The following SLC38A1 variants were observed in gnomAD, a reference collection of about 807,000 sequenced individuals.
SLC38A1 encodes solute carrier family 38 member 1, also known as sodium-coupled neutral amino acid symporter 1.
Under a neutral mutation model 60.3 loss-of-function variants are expected in SLC38A1, and 18 were observed. The observed-to-expected ratio is 0.30, with a 90% CI of 0.21 to 0.44. SLC38A1 has a LOEUF of 0.44. SLC38A1 is among the 20% of genes least tolerant of loss of function. SLC38A1 has a pLI of 1.00. For synonymous variants in SLC38A1, 196 were observed against 212.1 expected (o/e 0.92, Z 0.66); for missense variants, 448 against 587.2 (o/e 0.76, Z 2.45).
chr12:46,247,783 G>A (rs991442157), intron 1 of SLC38A1, among the ~76,000 whole-genome samples: 3 of 152,192 alleles, frequency 2.0e-5, no homozygotes, highest in Admixed American at 2.0e-4. Flanking sequence ...GGCAGCCAGA[G>A]AGAAAGGTCG....
chr12:46,246,356 C>T (rs2138494000), intron 1 of SLC38A1, among the ~76,000 whole-genome samples: 1 of 152,366 alleles, frequency 6.6e-6, no homozygotes, highest in East Asian at 1.9e-4. Flanking sequence ...GAGATTGTAT[C>T]CTGCGCCTGG....
At chr12:46,203,822 G>A (rs1280124484) in intron 11 of SLC38A1, among the ~76,000 whole-genome samples, 4 of 152,204 alleles carry the variant, frequency 2.6e-5, no homozygotes, top group African/African-American at 9.6e-5. Context: ...GGGGTTGGGT[G>A]ACTTGCCTGA....
chr12:46,225,705 A>G (rs1350389902), intron 5 of SLC38A1, among the ~76,000 whole-genome samples: 2 of 152,210 alleles, frequency 1.3e-5, no homozygotes, highest in Admixed American at 6.5e-5. Context: ...CATGTGCGCC[A>G]GGCTCAAATC....
chr12:46,223,435 C>A (rs1555187545), intron 5 of SLC38A1, among the ~76,000 whole-genome samples: 1 of 149,184 alleles, frequency 6.7e-6, no homozygotes, highest in Non-Finnish European at 1.5e-5. Context: ...CTCTCCATCT[C>A]TCTTTCTCTC....
intron 1 of SLC38A1, among the ~76,000 whole-genome samples, chr12:46,255,384 A>G (rs1211683455): frequency 2.0e-5 from 3 of 152,224 alleles, no homozygotes; most frequent in Admixed American, 2.0e-4. Flanking sequence ...CCAATGTCTA[A>G]CTTATGGAAA....
chr12:46,202,204 A>AT (rs1491178717), intron 12 of SLC38A1, among the ~76,000 whole-genome samples: 3 of 40,012 alleles, frequency 7.5e-5, no homozygotes, highest in African/African-American at 2.9e-4. Flanking sequence ...AAAAAAAAAA[A>AT]TAAATAAAGA....
At chr12:46,227,583 T>G (rs1022458143) in intron 5 of SLC38A1, among the ~76,000 whole-genome samples, 9 of 152,210 alleles carry the variant, frequency 5.9e-5, no homozygotes, top group Admixed American at 5.9e-4. Flanking sequence ...TTACTGTTGT[T>G]ACAACCATCA....
chr12:46,247,139 G>A (rs891031521), intron 1 of SLC38A1, among the ~76,000 whole-genome samples: 1 of 152,148 alleles, frequency 6.6e-6, no homozygotes, highest in African/African-American at 2.4e-5. Context: ...CCAAAGGATG[G>A]CTACTCCTCG....
At chr12:46,228,085 A>G (rs181775510) in intron 5 of SLC38A1, among the ~76,000 whole-genome samples, 4 of 152,314 alleles carry the variant, frequency 2.6e-5, no homozygotes, top group African/African-American at 9.6e-5. Flanking sequence ...AGAGGAGGCT[A>G]GAGTTAGGTT....
chr12:46,206,418 T>C (rs2137182726), intron 8 of SLC38A1, among the ~76,000 whole-genome samples: 1 of 152,146 alleles, frequency 6.6e-6, no homozygotes, highest in East Asian at 1.9e-4. Flanking sequence ...GGCATTCTTT[T>C]GAATTATTTA....
intron 1 of SLC38A1, among the ~76,000 whole-genome samples, chr12:46,258,653 G>GTTTA (rs200711161): frequency 2.0e-5 from 3 of 152,010 alleles, no homozygotes; most frequent in Non-Finnish European, 4.4e-5. Flanking sequence ...TTTAAAATGT[G>GTTTA]TTTATTTATT....
chr12:46,196,035 G>T (rs553810180), intron 16 of SLC38A1: 30 of 1,008,328 alleles, frequency 3.0e-5, no homozygotes, highest in Admixed American at 1.1e-4. Context: ...CTTCTACATC[G>T]ATCTTGCTGG....
Position 46,204,317 on chromosome 12 carries a change from A to T in SLC38A1, c.806T>A (p.Val269Asp), listed in dbSNP as rs1939793342. ...GAAACTTACCTTTGAATTGAAGGTA[A>T]CATATTTTGGCGTACACGTGTCAGC... ...TNADTCTPKYVTFNSKTVYAL... is the reference protein window; with the variant it reads ...TNADTCTPKYDTFNSKTVYAL... The change falls in exon 11 of 17, where the codon GTT (valine) becomes GAT (aspartate). Residue 269 changes from valine to aspartate, a missense_variant. Val to Asp is a radical substitution (Grantham distance 152). This residue lies in a region of SLC38A1 where 346 missense variants were observed against 497.5 expected (regional missense o/e 0.70). Transcript: ENST00000398637. The T allele has an allele frequency of 1.9e-6, 3 of 1,607,200 alleles. No individual in the cohort carries two copies. Among genetic ancestry groups the T allele is most frequent in the Non-Finnish European group, 2.6e-6 (3 of 1,173,924 alleles).
At chr12:46,200,906 GTAAT>G (rs1023793600) in intron 13 of SLC38A1, among the ~76,000 whole-genome samples, 188 bp downstream of exon 13, 3 of 152,170 alleles carry the variant, frequency 2.0e-5, no homozygotes, top group Non-Finnish European at 2.9e-5. Context: ...TATTGTTTGA[GTAAT>G]TATTTTATTC....
At chr12:46,229,094 A>G in intron 5 of SLC38A1, 59 bp downstream of exon 5, 1 of 944,076 alleles carries the variant, frequency 1.1e-6, no homozygotes, top group African/African-American at 1.7e-5. Context: ...CTATGTAATA[A>G]CAGAAACATA....
chr12:46,207,132 T>TA, intron 8 of SLC38A1, 23 bp downstream of exon 8: 5 of 1,495,594 alleles, frequency 3.3e-6, no homozygotes, highest in Admixed American at 2.0e-5. Context: ...AGTTATATCA[T>TA]AAAAAAATGG....
At chr12:46,238,032 C>A (rs903261583) in intron 3 of SLC38A1, among the ~76,000 whole-genome samples, 1 of 151,874 alleles carries the variant, frequency 6.6e-6, no homozygotes, top group South Asian at 2.1e-4. Context: ...TGTGTGTACC[C>A]TTGGATAAGT....
In SLC38A1 at chr12:46,188,903, A is replaced by C; in HGVS notation, c.*67T>G. 17 of 1,258,604 alleles carry C rather than the reference A, an allele frequency of 1.4e-5. No homozygotes were observed. Among genetic ancestry groups the C allele is most frequent in the Non-Finnish European group, 2.0e-5 (17 of 867,726 alleles). The allele number at this position is 1,258,604 out of a possible 1,614,324, so 78.0% of individuals were successfully genotyped here. A position where few individuals can be genotyped will look rare whatever the true frequency, so the allele number is the denominator to read the frequency against. Reference sequence around the variant, plus strand: ...CTGTAAACTTGCAAAAGAAGTGGTGAGAGATTGCTGATGTGTGGGGACTTG... The same window carrying C: ...CTGTAAACTTGCAAAAGAAGTGGTGCGAGATTGCTGATGTGTGGGGACTTG... On this transcript the variant is annotated 3_prime_UTR_variant, in exon 17 of 17. Transcript: ENST00000398637.
chr12:46,206,141 G>A lies in SLC38A1; in HGVS notation c.585C>T (p.Arg195=), dbSNP rs373851959. The part of the protein sequence containing the change: ...ETFSAWYVDG[R]VLVVIVTFGI... ...CAAAGGTAACTATCACCACCAGAAC[G>A]CGGCCATCCACGTACCAGGCTCTGA... Residue 195 remains arginine, a synonymous_variant, in exon 9 of 17, where the codon CGC becomes CGT. Coordinates refer to ENST00000398637, the MANE Select transcript of SLC38A1 (RefSeq NM_030674.4). The A allele has an allele frequency of 2.5e-6, 4 of 1,609,896 alleles. No homozygotes were observed. The highest frequency in any genetic ancestry group is 1.1e-5 in the South Asian group (1 of 90,702).
Sources: gnomAD v4.1 joint callset for allele counts (sites outside exome capture counted in the v4.1 genomes callset) on GRCh38, gnomAD v4.1.1 for gene constraint, gnomAD v4.1.1 regional missense constraint, MANE v1.5 for transcripts, NCBI Gene and HGNC (gene_info 2026-07-23, HGNC 2026-07-21) for gene names.